The following SUSD5 variants were observed in gnomAD, a reference collection of about 807,000 sequenced individuals.
SUSD5 encodes sushi domain containing 5, also known as sushi domain-containing protein 5.
SUSD5 carries 33 observed loss-of-function variants against 29.5 expected under a neutral mutation model. That is an observed-to-expected ratio of 1.12 (90% CI 0.85 to 1.49). SUSD5 has a LOEUF of 1.49. Ranked by LOEUF, SUSD5 falls within the 40% of genes most tolerant of loss-of-function variation. The probability of loss-of-function intolerance (pLI) is 0.00; values close to 1 mark genes in which losing one functional copy is unlikely to be tolerated. For synonymous variants in SUSD5, 308 were observed against 325.3 expected (o/e 0.95, Z 0.57); for missense variants, 776 against 800.6 (o/e 0.97, Z 0.37).
chr3:33,157,988 G>GC (rs397949889), intron 4 of SUSD5, among the ~76,000 whole-genome samples: 14 of 152,228 alleles, frequency 9.2e-5, no homozygotes, highest in Non-Finnish European at 1.9e-4. Context: ...GCTGCTTGGG[G>GC]AGCAGGCCCC....
At chr3:33,189,873 A>G (rs1393331068) in intron 3 of SUSD5, among the ~76,000 whole-genome samples, 1 of 152,224 alleles carries the variant, frequency 6.6e-6, no homozygotes, top group Non-Finnish European at 1.5e-5. Context: ...CAGTATTTAA[A>G]TATATTCCCA....
At chr3:33,198,137 C>T (rs2032031400) in intron 3 of SUSD5, among the ~76,000 whole-genome samples, 1 of 152,134 alleles carries the variant, frequency 6.6e-6, no homozygotes, top group Non-Finnish European at 1.5e-5. Context: ...ATTATTATCA[C>T]TTTATGTTGT....
At position 33,152,663 on chromosome 3, in the gene SUSD5, T is replaced by G; in HGVS notation, c.*79A>C. On this transcript the variant is annotated 3_prime_UTR_variant, in exon 5 of 5. Coordinates refer to ENST00000309558, the MANE Select transcript of SUSD5 (RefSeq NM_015551.2). ...GATGAGCCTCAGTCCACCTGCGTCA[T>G]GCTCTAGTGAATTATCGTGTGATGT... 1 of 1,420,350 alleles carries G rather than the reference T, an allele frequency of 7.0e-7. No homozygotes were observed. The highest frequency in any genetic ancestry group is 9.5e-7 in the Non-Finnish European group (1 of 1,054,000). 88.0% of individuals were successfully genotyped at this position (1,420,350 alleles called of 1,614,324 possible). A position where few individuals can be genotyped will look rare whatever the true frequency, so the allele number is the denominator to read the frequency against.
At chr3:33,164,968 G>A (rs922194214) in intron 4 of SUSD5, among the ~76,000 whole-genome samples, 73 of 70,288 alleles carry the variant, frequency 1.0e-3, no homozygotes, top group Non-Finnish European at 1.3e-3. Context: ...TACTAAAGTT[G>A]AACACACACA....
intron 3 of SUSD5, among the ~76,000 whole-genome samples, chr3:33,192,285 G>A (rs1185984660): frequency 1.3e-5 from 2 of 149,160 alleles, no homozygotes; most frequent in East Asian, 2.0e-4. Flanking sequence ...AGAGATGGGG[G>A]TTTCACCAAG....
chr3:33,200,914 C>T (rs2032104501), intron 3 of SUSD5, among the ~76,000 whole-genome samples: 1 of 152,138 alleles, frequency 6.6e-6, no homozygotes, highest in African/African-American at 2.4e-5. Context: ...GTTTGAAGGA[C>T]TGGCCTGGCT....
At chr3:33,207,110 C>T (rs909071738) in intron 3 of SUSD5, among the ~76,000 whole-genome samples, 3 of 152,164 alleles carry the variant, frequency 2.0e-5, no homozygotes, top group Non-Finnish European at 2.9e-5. Flanking sequence ...ATGATTTTCT[C>T]CTCACCACTC....
At chr3:33,206,854 C>CATT (rs2032230544) in intron 3 of SUSD5, among the ~76,000 whole-genome samples, 1 of 152,152 alleles carries the variant, frequency 6.6e-6, no homozygotes, top group African/African-American at 2.4e-5. Flanking sequence ...AAACCCAGAA[C>CATT]ATTTAAATCA....
intron 3 of SUSD5, among the ~76,000 whole-genome samples, chr3:33,196,348 G>A (rs948576144): frequency 3.0e-4 from 46 of 152,226 alleles, no homozygotes; most frequent in African/African-American, 1.0e-3. Flanking sequence ...GAAGAAGCTA[G>A]CAGAGCTGGG....
chr3:33,212,010 G>C (rs987201094), intron 2 of SUSD5, among the ~76,000 whole-genome samples: 1 of 152,118 alleles, frequency 6.6e-6, no homozygotes, highest in African/African-American at 2.4e-5. Context: ...TCCCCAGTGA[G>C]TGTTCTAAGT....
intron 1 of SUSD5, 131 bp downstream of exon 1, chr3:33,218,555 C>T (rs1489679542): frequency 1.4e-5 from 12 of 829,550 alleles, no homozygotes; most frequent in South Asian, 4.8e-5. Context: ...AGGACCGCGG[C>T]TCGTTCGTTC....
At chr3:33,200,899 C>T (rs907862402) in intron 3 of SUSD5, among the ~76,000 whole-genome samples, 1 of 151,998 alleles carries the variant, frequency 6.6e-6, no homozygotes, top group Non-Finnish European at 1.5e-5. Flanking sequence ...AAATCTCTAA[C>T]CAAAGTTTGA....
Position 33,200,543 on chromosome 3 carries a change from A to T in SUSD5, c.409+7265T>A, listed in dbSNP as rs976129472. Among the ~76,000 whole-genome samples the T allele has an allele frequency of 2.6e-5, 4 of 152,218 alleles. No individual in the cohort carries two copies. In the East Asian group the frequency reaches 7.7e-4, roughly 29 times the overall value. On this transcript the variant is annotated intron_variant, in intron 3 of 4. Coordinates refer to ENST00000309558, the MANE Select transcript of SUSD5 (RefSeq NM_015551.2). ...TGTTTTGGGTCTAGGAGATGAGACCAGGCTGGGTAGCCATGTCAAGCATGC... is the reference window on the plus strand; with the variant it reads ...TGTTTTGGGTCTAGGAGATGAGACCTGGCTGGGTAGCCATGTCAAGCATGC...
intron 2 of SUSD5, among the ~76,000 whole-genome samples, chr3:33,211,180 C>T (rs2032315466): frequency 6.6e-6 from 1 of 152,186 alleles, no homozygotes; most frequent in Non-Finnish European, 1.5e-5. Flanking sequence ...AGGCATGAGC[C>T]ACTGCACCCA....
chr3:33,158,236 G>A (rs547062087), intron 4 of SUSD5, among the ~76,000 whole-genome samples: 63 of 152,198 alleles, frequency 4.1e-4, no homozygotes, highest in African/African-American at 1.5e-3. Context: ...TAAATTACAC[G>A]GAATAAATCA....
At chr3:33,193,498 T>G in intron 3 of SUSD5, among the ~76,000 whole-genome samples, 1 of 152,098 alleles carries the variant, frequency 6.6e-6, no homozygotes, top group South Asian at 2.1e-4. Flanking sequence ...AGTATAAGTT[T>G]GGGACTTGTG....
rs2032172487 is a variant in SUSD5, at chr3:33,204,282, C to T, written c.409+3526G>A. ...TCCTCCAAAGTGTTGGGACTACAGGCATAAGCCACCATGCCCAGCCTGAGC... is the reference window on the plus strand; with the variant it reads ...TCCTCCAAAGTGTTGGGACTACAGGTATAAGCCACCATGCCCAGCCTGAGC... On this transcript the variant is annotated intron_variant, in intron 3 of 4. Coordinates refer to ENST00000309558, the MANE Select transcript of SUSD5 (RefSeq NM_015551.2). This position sits in a 1 kb window ranked among gnomAD's most constrained non-coding sequence, Gnocchi z 4.5. 6.6e-6 allele frequency among the ~76,000 whole-genome samples: 1 copy of T among 152,024 alleles called. No individual in the cohort carries two copies. The highest frequency in any genetic ancestry group is 6.6e-5 in the Admixed American group (1 of 15,260).
intron 3 of SUSD5, among the ~76,000 whole-genome samples, chr3:33,205,723 T>C (rs920310236): frequency 1.1e-4 from 17 of 152,192 alleles, no homozygotes; most frequent in African/African-American, 3.4e-4. Context: ...TCAGTTGCCC[T>C]TGTCACCCAA....
intron 3 of SUSD5, among the ~76,000 whole-genome samples, chr3:33,203,367 C>T (rs1284137156): frequency 6.6e-6 from 1 of 152,210 alleles, no homozygotes; most frequent in African/African-American, 2.4e-5. Flanking sequence ...TCTCTGCATG[C>T]ATTCCTGCAT....
Sources: allele counts gnomAD v4.1 joint callset (sites outside exome capture counted in the v4.1 genomes callset), GRCh38; gene constraint gnomAD v4.1.1; non-coding constraint Gnocchi (gnomAD v3.1); transcripts MANE v1.5; gene names NCBI Gene and HGNC (gene_info 2026-07-23, HGNC 2026-07-21).